Variants in ZNF892 observed in about 807,000 individuals in gnomAD.
ZNF892 encodes the protein zinc finger protein 570-like.
chr2:95,223,002 T>G, the ZNF892 span, among the ~76,000 whole-genome samples: 4 of 152,214 alleles, frequency 2.6e-5, no homozygotes, highest in Admixed American at 2.6e-4. Context: ...AACATAGTGT[T>G]TCTCCATTGA....
the ZNF892 span, chr2:95,207,634 G>A: frequency 1.5e-5 from 6 of 393,658 alleles, no homozygotes; most frequent in East Asian, 1.8e-4. Flanking sequence ...GGGTAGAGGA[G>A]GGCTGAACGC....
At chr2:95,220,613 C>G in the ZNF892 span, among the ~76,000 whole-genome samples, 1 of 152,160 alleles carries the variant, frequency 6.6e-6, no homozygotes, top group Non-Finnish European at 1.5e-5. Flanking sequence ...CCCGTGACAT[C>G]CTGGTGCTTG....
the ZNF892 span, among the ~76,000 whole-genome samples, chr2:95,262,344 C>T: frequency 6.6e-6 from 1 of 152,182 alleles, no homozygotes; most frequent in Non-Finnish European, 1.5e-5. Flanking sequence ...ACAGTGTCTA[C>T]ACTCCCTTCT....
At chr2:95,208,864 G>A in the ZNF892 span, 2 of 395,374 alleles carry the variant, frequency 5.1e-6, no homozygotes, top group Non-Finnish European at 8.9e-6. Flanking sequence ...ACTGATGACT[G>A]ATGACCCCAA....
chr2:95,245,432 AT>A, the ZNF892 span, among the ~76,000 whole-genome samples: 3 of 49,844 alleles, frequency 6.0e-5, no homozygotes, highest in Non-Finnish European at 1.1e-4. Flanking sequence ...ATTTTTTAGT[AT>A]TTTTTAGTAG....
At chr2:95,231,497 A>T in the ZNF892 span, among the ~76,000 whole-genome samples, 1 of 152,366 alleles carries the variant, frequency 6.6e-6, no homozygotes, top group African/African-American at 2.4e-5. Flanking sequence ...AAAATTGTAC[A>T]GTTAAGATTT....
At chr2:95,235,826 C>T in the ZNF892 span, among the ~76,000 whole-genome samples, 7 of 152,010 alleles carry the variant, frequency 4.6e-5, no homozygotes, top group Admixed American at 3.9e-4. Context: ...ATCAGAAGGG[C>T]GGGAGAAAAA....
the ZNF892 span, chr2:95,259,887 C>G: frequency 6.6e-6 from 1 of 152,538 alleles, no homozygotes; most frequent in African/African-American, 2.4e-5. Context: ...GGAGGGGATT[C>G]CAGCTGTTCC....
chr2:95,209,448 C>T, the ZNF892 span, among the ~76,000 whole-genome samples: 1 of 152,054 alleles, frequency 6.6e-6, no homozygotes, highest in African/African-American at 2.4e-5. Flanking sequence ...TTTAGAGGCC[C>T]AGCAAGATGA....
At chr2:95,262,383 C>G in the ZNF892 span, among the ~76,000 whole-genome samples, 1 of 152,188 alleles carries the variant, frequency 6.6e-6, no homozygotes, top group African/African-American at 2.4e-5. Flanking sequence ...TGTCTTTATT[C>G]CAGGCAGCAG....
the ZNF892 span, among the ~76,000 whole-genome samples, chr2:95,262,314 G>T: frequency 6.6e-6 from 1 of 152,118 alleles, no homozygotes; most frequent in Non-Finnish European, 1.5e-5. Context: ...ACAGAGGATG[G>T]CATTGAAGGC....
chr2:95,257,528 TGAG>T, the ZNF892 span, among the ~76,000 whole-genome samples: 1 of 152,142 alleles, frequency 6.6e-6, no homozygotes, highest in Non-Finnish European at 1.5e-5. Context: ...CGGACCCACT[TGAG>T]GAGGCAGTCT....
chr2:95,222,813 T>C, the ZNF892 span, among the ~76,000 whole-genome samples: 1 of 152,206 alleles, frequency 6.6e-6, no homozygotes, highest in African/African-American at 2.4e-5. Context: ...CATACTTTGG[T>C]GTCATATTTA....
At chr2:95,240,586 C>T in the ZNF892 span, among the ~76,000 whole-genome samples, 1 of 152,156 alleles carries the variant, frequency 6.6e-6, no homozygotes, top group African/African-American at 2.4e-5. Context: ...GCCCTGGGAT[C>T]CCCAGCAAGG....
At chr2:95,249,542 C>T in the ZNF892 span, among the ~76,000 whole-genome samples, 7 of 151,588 alleles carry the variant, frequency 4.6e-5, no homozygotes, top group Non-Finnish European at 7.4e-5. Flanking sequence ...TCACAGTGCC[C>T]GGCCTTGATT....
chr2:95,243,488 G>T, the ZNF892 span, among the ~76,000 whole-genome samples: 1 of 149,294 alleles, frequency 6.7e-6, no homozygotes, highest in African/African-American at 2.5e-5. Flanking sequence ...TGTGGGGAGC[G>T]CCTCTGCCCT....
chr2:95,212,854 T>G, the ZNF892 span, among the ~76,000 whole-genome samples: 2 of 152,238 alleles, frequency 1.3e-5, no homozygotes, highest in African/African-American at 4.8e-5. Flanking sequence ...TATACTGTTT[T>G]GGTGGTGATC....
At chr2:95,207,786 C>A in the ZNF892 span, 1 of 398,660 alleles carries the variant, frequency 2.5e-6, no homozygotes, top group South Asian at 1.3e-4. Flanking sequence ...TCGCGGTTGC[C>A]TCCAGCGCGG....
chr2:95,226,117 C>T, the ZNF892 span, among the ~76,000 whole-genome samples: 2 of 152,218 alleles, frequency 1.3e-5, no homozygotes, highest in African/African-American at 4.8e-5. Flanking sequence ...TCTGATCCCA[C>T]AGTTCCACTG....
Sources: gnomAD v4.1 joint callset for allele counts (sites outside exome capture counted in the v4.1 genomes callset) on GRCh38, gnomAD v4.1.1 for gene constraint, MANE v1.5 for transcripts, NCBI Gene and HGNC (gene_info 2026-07-23, HGNC 2026-07-21) for gene names.